The following ETNPPL variants were observed in gnomAD, a reference collection of about 807,000 sequenced individuals.
ETNPPL encodes ethanolamine-phosphate phospho-lyase, also known as alanine--glyoxylate aminotransferase 2-like 1.
In ETNPPL, 30 loss-of-function variants were observed where a neutral mutation model predicts 55.5. The ratio of observed to expected loss-of-function variants is 0.54; its 90% CI spans 0.40 to 0.73. ETNPPL has a LOEUF of 0.73. ETNPPL is among the 30% of genes least tolerant of loss of function. The pLI, the probability that ETNPPL is intolerant of heterozygous loss-of-function variation, is 0.00. For missense variants in ETNPPL, 528 were observed against 607.9 expected (o/e 0.87, Z 1.38); for synonymous variants, 202 against 207.2 (o/e 0.98, Z 0.21).
intron 7 of ETNPPL, 60 bp from the exon 8 acceptor site, chr4:108,749,523 C>A (rs1728795347): frequency 4.0e-6 from 5 of 1,237,574 alleles, no homozygotes; most frequent in South Asian, 2.7e-5. Context: ...AACCCACCCA[C>A]AAAGATGCAA....
chr4:108,746,685 G>A, intron 10 of ETNPPL, 77 bp downstream of exon 10: 1 of 1,509,712 alleles, frequency 6.6e-7, no homozygotes, highest in Non-Finnish European at 9.2e-7. Context: ...AGGGATGGGA[G>A]GAAGTCAAGC....
chr4:108,757,843 T>C, intron 3 of ETNPPL, among the ~76,000 whole-genome samples: 1 of 148,480 alleles, frequency 6.7e-6, no homozygotes, highest in Non-Finnish European at 1.5e-5. Flanking sequence ...GGGCTCACCC[T>C]GTAACCCCAA....
intron 1 of ETNPPL, 157 bp downstream of exon 1, chr4:108,762,686 C>T (rs970115161): frequency 1.5e-5 from 14 of 912,578 alleles, no homozygotes; most frequent in Admixed American, 1.5e-4. Flanking sequence ...CCGCGCGGCC[C>T]CTGCAGGTGG....
At chr4:108,756,073 A>T (rs1236586475) in intron 4 of ETNPPL, among the ~76,000 whole-genome samples, 4 of 152,220 alleles carry the variant, frequency 2.6e-5, no homozygotes, top group African/African-American at 9.6e-5. Flanking sequence ...TTTTGAAATT[A>T]ATTGTATTCT....
At chr4:108,746,603 G>A (rs921914939) in intron 10 of ETNPPL, 74 bp from the exon 11 acceptor site, 2 of 1,544,238 alleles carry the variant, frequency 1.3e-6, no homozygotes, top group Non-Finnish European at 1.8e-6. Flanking sequence ...TGTGAACATA[G>A]AGCAGTTTAA....
intron 5 of ETNPPL, among the ~76,000 whole-genome samples, chr4:108,753,998 G>C (rs1251682820): frequency 2.9e-5 from 4 of 136,184 alleles, no homozygotes; most frequent in Non-Finnish European, 6.1e-5. Context: ...TTTTGAGATG[G>C]AGTCTCACTC....
At chr4:108,757,458 CTT>C (rs974735266) in intron 3 of ETNPPL, among the ~76,000 whole-genome samples, 5 of 152,020 alleles carry the variant, frequency 3.3e-5, no homozygotes, top group African/African-American at 1.2e-4. Context: ...AGACTGAAGA[CTT>C]TTTTACTTTT....
At chr4:108,747,486 C>A (rs1728664899) in intron 9 of ETNPPL, among the ~76,000 whole-genome samples, 1 of 150,658 alleles carries the variant, frequency 6.6e-6, no homozygotes, top group African/African-American at 2.4e-5. Flanking sequence ...TTTATAGAAA[C>A]AAGGTTTCTT....
chr4:108,762,749 G>T (rs368193425), intron 1 of ETNPPL, 94 bp downstream of exon 1: 280 of 1,425,092 alleles, frequency 2.0e-4, no homozygotes, highest in Non-Finnish European at 2.5e-4. Context: ...CGGCTGCAGC[G>T]CATCGTTTGT....
At position 108,752,983 on chromosome 4, in the gene ETNPPL, T is replaced by A. The variant is rs1728986001; in HGVS notation, c.530A>T (p.Lys177Ile). The A allele has an allele frequency of 1.2e-6, 2 of 1,611,138 alleles. No individual in the cohort carries two copies. Among genetic ancestry groups the A allele is most frequent in the Non-Finnish European group, 1.7e-6 (2 of 1,178,448 alleles). ...TGAGTCTGCATGGTCTTCTCTATATTTTCCTCTGTAAGTATCTGGAGTTGG... is the reference window on the plus strand; with the variant it reads ...TGAGTCTGCATGGTCTTCTCTATATATTCCTCTGTAAGTATCTGGAGTTGG... ...VAPTPDTYRG[K>I]YREDHADSAS... Residue 177 changes from lysine (K) to isoleucine (I), a missense_variant, in exon 6 of 13, where the codon AAA becomes ATA. Coordinates refer to ENST00000296486, the MANE Select transcript of ETNPPL (RefSeq NM_031279.4).
At chr4:108,760,063 G>A (rs1729434664) in intron 2 of ETNPPL, 125 bp downstream of exon 2, 1 of 1,046,560 alleles carries the variant, frequency 9.6e-7, no homozygotes, top group Non-Finnish European at 1.4e-6. Context: ...TCCCCACTAG[G>A]ACTACTGGCC....
In ETNPPL at chr4:108,742,181, C is replaced by T. The variant is rs1728248459; in HGVS notation, c.*303G>A. On this transcript the variant is annotated 3_prime_UTR_variant, in exon 13 of 13. Coordinates refer to ENST00000296486, the MANE Select transcript of ETNPPL (RefSeq NM_031279.4). The stretch of plus-strand genomic sequence containing the variant: ...TTATACTTTGCTCTCTAATTTGACA[C>T]ATTAAAACATGAGAGGTAAATCTGC... The T allele has an allele frequency of 4.6e-6, 1 of 218,390 alleles. No individual in the cohort carries two copies. Among genetic ancestry groups the T allele is most frequent in the Non-Finnish European group, 9.3e-6 (1 of 107,110 alleles). The allele number at this position is 218,390 out of a possible 1,614,324, so 13.5% of individuals were successfully genotyped here.
At position 108,762,843 on chromosome 4, in the gene ETNPPL, C is replaced by T; in HGVS notation, c.56G>A (p.Gly19Glu). The change falls in exon 1 of 13, where the codon GGG (glycine) becomes GAG (glutamate). Residue 19 changes from glycine to glutamate, a missense_variant and splice_region_variant. Physicochemically the swap from Gly to Glu is moderately conservative, Grantham distance 98. Coordinates refer to ENST00000296486, the MANE Select transcript of ETNPPL (RefSeq NM_031279.4). ...DTLGLRKKHI[G>E]PSCKVFFASD... ...TACTTCCGGGCCAGGGTGCCCTTAC[C>T]CGATGTGCTTCTTCCTCAGCCCCAG... 6.2e-7 allele frequency: 1 copy of T among 1,614,104 alleles called. No homozygotes were observed. Among genetic ancestry groups the T allele is most frequent in the Non-Finnish European group, 8.5e-7 (1 of 1,179,942 alleles).
At chr4:108,759,377 A>G (rs6857727) in intron 3 of ETNPPL, among the ~76,000 whole-genome samples, 25,065 of 134,902 alleles carry the variant, frequency 0.19, 3,354 homozygotes, top group East Asian at 0.5. Flanking sequence ...CTCCAGCCTG[A>G]GCGACAGAGC....
intron 2 of ETNPPL, 41 bp downstream of exon 2, chr4:108,760,147 T>G (rs774503613): frequency 7.2e-7 from 1 of 1,389,746 alleles, no homozygotes; most frequent in Non-Finnish European, 1.0e-6. Flanking sequence ...CTTTACTCCA[T>G]GAACATTTCC....
chr4:108,751,656 C>T (rs1438232880), intron 6 of ETNPPL, among the ~76,000 whole-genome samples: 1 of 152,148 alleles, frequency 6.6e-6, no homozygotes, highest in African/African-American at 2.4e-5. Flanking sequence ...ATCAAGAGAA[C>T]CCAAGTTCTA....
chr4:108,748,274 T>C, intron 8 of ETNPPL, 115 bp from the exon 9 acceptor site: 2 of 643,290 alleles, frequency 3.1e-6, no homozygotes, highest in East Asian at 5.9e-5. Context: ...TTAAATAAAA[T>C]GTTCTCTTAT....
rs1205292863 is a variant in ETNPPL, at chr4:108,752,895, C to T, written c.618G>A (p.Lys206=). Residue 206 remains lysine (K), a splice_region_variant and synonymous_variant, in exon 6 of 13, where the codon AAG becomes AAA. Transcript: ENST00000296486. ...IIEDAHNSGR[K]IAAFIAESMQ... ...TGTTTCCAAAGCTATAAATACAAAC[C>T]TTCCTTCCACTGTTATGAGCATCTT... is the stretch of plus-strand genomic sequence containing the variant. 2 of 1,551,690 alleles carry T rather than the reference C, an allele frequency of 1.3e-6. No homozygotes were observed. Among genetic ancestry groups the T allele is most frequent in the East Asian group, 2.3e-5 (1 of 44,384 alleles).
At chr4:108,751,450 T>C (rs1728909613) in intron 6 of ETNPPL, among the ~76,000 whole-genome samples, 1 of 152,164 alleles carries the variant, frequency 6.6e-6, no homozygotes, top group Non-Finnish European at 1.5e-5. Flanking sequence ...ATTTGCACCA[T>C]GAAAGTGGCA....
Sources: gnomAD v4.1 joint callset for allele counts (sites outside exome capture counted in the v4.1 genomes callset) on GRCh38, gnomAD v4.1.1 for gene constraint, MANE v1.5 for transcripts, NCBI Gene and HGNC (gene_info 2026-07-23, HGNC 2026-07-21) for gene names.